The following ARSG variants were observed in gnomAD, a reference collection of about 807,000 sequenced individuals.
ARSG encodes ASG.
ARSG carries 37 observed loss-of-function variants against 50.5 expected under a neutral mutation model. The observed-to-expected ratio is 0.73, with a 90% CI of 0.56 to 0.96. The LOEUF (loss-of-function observed/expected upper bound fraction) is 0.96, where lower values mean the gene tolerates loss of function less well. Among genes scored for constraint, ARSG ranks in the 50% least tolerant of loss-of-function variants. The pLI, the probability that ARSG is intolerant of heterozygous loss-of-function variation, is 0.00. For synonymous variants in ARSG, 225 were observed against 254.6 expected, an observed-to-expected ratio of 0.88 and a Z score of 1.11; for missense variants, 629 against 675.3, an observed-to-expected ratio of 0.93 and a Z score of 0.76.
chr17:68,417,396 C>T (rs1006154083), intron 11 of ARSG, among the ~76,000 whole-genome samples: 2 of 152,100 alleles, frequency 1.3e-5, no homozygotes, highest in African/African-American at 4.8e-5. Flanking sequence ...GATTTTTCTC[C>T]AGTATTTACT....
rs782408128 is a variant in ARSG at position 68,278,200 on chromosome 17, T to C, written c.-552+18774T>C. On this transcript the variant is annotated intron_variant, in intron 1 of 11. Transcript: ENST00000448504. ...AAGAAGACACCAAATGTCTTGATGATGCCGTAGGTGAAGACTTCAACGAAG... is the reference window on the plus strand; with the variant it reads ...AAGAAGACACCAAATGTCTTGATGACGCCGTAGGTGAAGACTTCAACGAAG... 2.5e-5 allele frequency: 41 copies of C among 1,613,984 alleles called. 1 individual carries two copies. The highest frequency in any genetic ancestry group is 1.6e-4 in the Middle Eastern group (1 of 6,084).
intron 1 of ARSG, among the ~76,000 whole-genome samples, chr17:68,273,233 G>A (rs2075401447): frequency 6.6e-6 from 1 of 151,316 alleles, no homozygotes; most frequent in African/African-American, 2.4e-5. Flanking sequence ...TAAACAGACA[G>A]GGTCTCACTC....
At chr17:68,323,149 C>G (rs1555771190) in intron 2 of ARSG, among the ~76,000 whole-genome samples, 1 of 151,820 alleles carries the variant, frequency 6.6e-6, no homozygotes, top group Non-Finnish European at 1.5e-5. Flanking sequence ...GAATTAACAT[C>G]TAGTTGGTGC....
rs746961706 is a variant in ARSG at position 68,343,792 on chromosome 17, G to A, written c.406+1G>A. ...GCGGGTTACGTCACTGGGATAATAG[G>A]TAACTCTGGGCCCCGTCTGCCTGTT... On this transcript the variant is annotated splice_donor_variant, in intron 3 of 11. Coordinates refer to ENST00000621439, the MANE Select transcript of ARSG (RefSeq NM_001267727.2). LOFTEE classifies it high-confidence loss of function. 11 of 1,606,556 alleles carry A rather than the reference G, an allele frequency of 6.8e-6. No homozygotes were observed. Among genetic ancestry groups the A allele is most frequent in the Non-Finnish European group, 9.4e-6 (11 of 1,174,538 alleles).
At chr17:68,404,633 A>G (rs1763572494) in intron 11 of ARSG, among the ~76,000 whole-genome samples, 1 of 152,160 alleles carries the variant, frequency 6.6e-6, no homozygotes, top group Non-Finnish European at 1.5e-5. Flanking sequence ...AAGGTTTGGT[A>G]TCAGGATTTT....
chr17:68,371,499 A>G (rs922352315), intron 8 of ARSG, among the ~76,000 whole-genome samples: 7 of 151,946 alleles, frequency 4.6e-5, no homozygotes, highest in African/African-American at 1.7e-4. Flanking sequence ...CCAACTTCCA[A>G]CTCAGCTCCC....
chr17:68,278,377 G>A lies in ARSG; in HGVS notation c.-552+18951G>A, dbSNP rs75266684. 2.8e-3 allele frequency: 3,407 copies of A among 1,196,544 alleles called. 86 individuals carry two copies. The African/African-American group carries it at 0.047, about 16-fold the overall frequency. 74.1% of individuals were successfully genotyped at this position (1,196,544 alleles called of 1,614,324 possible). ...TCAGATCAGCAATAGCATGAGGATCGATGATTCTCATACTCTTAAGCAAAC... is the reference window on the plus strand; with the variant it reads ...TCAGATCAGCAATAGCATGAGGATCAATGATTCTCATACTCTTAAGCAAAC... On this transcript the variant is annotated intron_variant, in intron 1 of 11. Transcript: ENST00000448504.
chr17:68,356,894 G>A, intron 6 of ARSG, 90 bp downstream of exon 6: 1 of 1,526,442 alleles, frequency 6.6e-7, no homozygotes, highest in Non-Finnish European at 8.9e-7. Flanking sequence ...GCACGCTTGA[G>A]GCCATGGCAG....
chr17:68,328,984 A>T (rs2092317456), intron 2 of ARSG, among the ~76,000 whole-genome samples: 1 of 152,186 alleles, frequency 6.6e-6, no homozygotes, highest in African/African-American at 2.4e-5. Flanking sequence ...TGGAACTCTA[A>T]TCTGGATAAG....
chr17:68,353,612 G>A (rs980635698), intron 5 of ARSG, among the ~76,000 whole-genome samples: 12 of 152,152 alleles, frequency 7.9e-5, no homozygotes, highest in Admixed American at 2.6e-4. Context: ...CTTACCCACC[G>A]TGGCCTGCTG....
chr17:68,315,494 TCCAG>T (rs1362708720), intron 2 of ARSG, among the ~76,000 whole-genome samples: 3 of 151,792 alleles, frequency 2.0e-5, no homozygotes, highest in Admixed American at 6.6e-5. Context: ...GTCACTGCAC[TCCAG>T]CCTGGGTGAT....
chr17:68,282,799 A>C (rs1483167205), intron 1 of ARSG, among the ~76,000 whole-genome samples: 1 of 148,322 alleles, frequency 6.7e-6, no homozygotes, highest in Non-Finnish European at 1.5e-5. Flanking sequence ...AAAAAAAAAA[A>C]AGGCCAGGTG....
Position 68,420,662 on chromosome 17 carries a change from G to A in ARSG, c.*199G>A. 1 of 647,762 alleles carries A rather than the reference G, an allele frequency of 1.5e-6. No individual in the cohort carries two copies. Among genetic ancestry groups the A allele is most frequent in the Non-Finnish European group, 2.6e-6 (1 of 383,808 alleles). The allele number at this position is 647,762 out of a possible 1,614,324, so 40.1% of individuals were successfully genotyped here. A position where few individuals can be genotyped will look rare whatever the true frequency, so the allele number is the denominator to read the frequency against. ...GAGCAGCTGAGCTGCGCTGGCTCTG[G>A]GCAGGGAGTGTGCCTTAATGGGAAG... On this transcript the variant is annotated 3_prime_UTR_variant, in exon 12 of 12. Transcript: ENST00000621439.
intron 9 of ARSG, among the ~76,000 whole-genome samples, chr17:68,389,935 AC>A (rs1403433834): frequency 2.0e-5 from 3 of 147,454 alleles, no homozygotes; most frequent in Non-Finnish European, 3.0e-5. Flanking sequence ...CCCTTTACCT[AC>A]CCCCCACCTG....
At chr17:68,407,775 G>A (rs150089943) in intron 11 of ARSG, among the ~76,000 whole-genome samples, 2,827 of 152,032 alleles carry the variant, frequency 0.019, 97 homozygotes, top group African/African-American at 0.065. Flanking sequence ...TAGGGTTTTC[G>A]AGGTAAACAA....
chr17:68,394,305 A>C (rs1190798943), intron 9 of ARSG, among the ~76,000 whole-genome samples: 1 of 152,162 alleles, frequency 6.6e-6, no homozygotes, highest in African/African-American at 2.4e-5. Flanking sequence ...GAAGACATGA[A>C]CAGAAACGTG....
At chr17:68,366,601 A>G (rs552647740) in intron 6 of ARSG, among the ~76,000 whole-genome samples, 3 of 152,176 alleles carry the variant, frequency 2.0e-5, no homozygotes, top group South Asian at 4.1e-4. Flanking sequence ...GATGTTTTCT[A>G]TCTGCACTGT....
the ARSG span, among the ~76,000 whole-genome samples, chr17:68,430,670 G>A: frequency 6.6e-6 from 1 of 152,204 alleles, no homozygotes; most frequent in Non-Finnish European, 1.5e-5. Flanking sequence ...TACCCAGCAT[G>A]TGTAATGATG....
At chr17:68,288,513 A>C (rs2075895170), upstream of ARSG, among the ~76,000 whole-genome samples, 1 of 152,146 alleles carries the variant, frequency 6.6e-6, no homozygotes. Flanking sequence ...CTAACTGGTG[A>C]GGCGAGCTGA....
Sources: gnomAD v4.1 joint callset for allele counts (sites outside exome capture counted in the v4.1 genomes callset) on GRCh38, gnomAD v4.1.1 for gene constraint, MANE v1.5 for transcripts, NCBI Gene and HGNC (gene_info 2026-07-23, HGNC 2026-07-21) for gene names.